The following PXDNL variants were observed in gnomAD, a reference collection of about 807,000 sequenced individuals.
PXDNL encodes the protein peroxidasin like, also known as probable oxidoreductase PXDNL.
PXDNL carries 145 observed loss-of-function variants against 150.8 expected under a neutral mutation model. The ratio of observed to expected loss-of-function variants is 0.96; its 90% CI spans 0.84 to 1.10. PXDNL has a LOEUF of 1.10. Ranked by LOEUF, PXDNL falls within the 50% of genes least tolerant of loss-of-function variation. The pLI is 0.00. For synonymous variants in PXDNL, 757 were observed against 725.7 expected (o/e 1.04, Z -0.69); for missense variants, 2,087 against 1,873.9 (o/e 1.11, Z -2.10).
chr8:51,489,691 T>C (rs571168712), intron 5 of PXDNL, among the ~76,000 whole-genome samples: 15 of 152,318 alleles, frequency 9.8e-5, no homozygotes, highest in African/African-American at 3.6e-4. Context: ...AGAATCATAA[T>C]AGGCTAGAAG....
intron 4 of PXDNL, among the ~76,000 whole-genome samples, chr8:51,549,786 A>C (rs2130515799): frequency 6.6e-6 from 1 of 152,240 alleles, no homozygotes; most frequent in Middle Eastern, 3.4e-3. Context: ...GAGAAACAAA[A>C]ACAAGCCAAA....
chr8:51,797,627 T>C (rs1387957552), intron 1 of PXDNL, among the ~76,000 whole-genome samples: 1 of 152,124 alleles, frequency 6.6e-6, no homozygotes, highest in African/African-American at 2.4e-5. Flanking sequence ...GGTACGTGAA[T>C]GACCTCTTCA....
At chr8:51,345,608 C>T (rs1312083978) in intron 20 of PXDNL, among the ~76,000 whole-genome samples, 1 of 152,116 alleles carries the variant, frequency 6.6e-6, no homozygotes, top group East Asian at 1.9e-4. Flanking sequence ...CTGCACTTTA[C>T]TGAGAAAAAT....
intron 4 of PXDNL, among the ~76,000 whole-genome samples, chr8:51,530,341 TCCTTACCTTCAA>T (rs1190807293): frequency 1.3e-5 from 2 of 152,072 alleles, no homozygotes; most frequent in African/African-American, 4.8e-5. Flanking sequence ...ACATCTGTCT[TCCTTACCTTCAA>T]CCTAAATCCA....
rs1314552902 is a variant in PXDNL at position 51,696,815 on chromosome 8, A to ATC, written c.165-42056_165-42055insGA. Among the ~76,000 whole-genome samples the ATC allele has an allele frequency of 9.2e-4, 130 of 141,000 alleles. 1 individual carries two copies. Among genetic ancestry groups the ATC allele is most frequent in the African/African-American group, 1.4e-3 (50 of 36,384 alleles). 92.5% of individuals were successfully genotyped at this position (141,000 alleles called of 152,430 possible). ...CCCACACATAGGTCTTCACACACAC[A>ATC]CACACACACACACACACACACACAG... On this transcript the variant is annotated intron_variant, in intron 1 of 22. Transcript: ENST00000356297.
intron 1 of PXDNL, among the ~76,000 whole-genome samples, chr8:51,688,509 A>G (rs932522604): frequency 6.6e-6 from 1 of 152,160 alleles, no homozygotes; most frequent in Admixed American, 6.5e-5. Context: ...AACAAACACA[A>G]TTTGGTGACC....
chr8:51,526,190 T>C (rs1209012936), intron 4 of PXDNL, among the ~76,000 whole-genome samples: 2 of 152,200 alleles, frequency 1.3e-5, no homozygotes, highest in East Asian at 3.9e-4. Flanking sequence ...TCTTGGTCTC[T>C]GCAGCTGGGC....
At chr8:51,614,266 T>A (rs146956593) in intron 2 of PXDNL, among the ~76,000 whole-genome samples, 63 of 152,338 alleles carry the variant, frequency 4.1e-4, no homozygotes, top group African/African-American at 1.7e-4. Context: ...TAAAGCTGTC[T>A]CCTTACATAT....
At chr8:51,398,625 CA>C (rs1217424053) in intron 17 of PXDNL, among the ~76,000 whole-genome samples, 1 of 152,232 alleles carries the variant, frequency 6.6e-6, no homozygotes, top group African/African-American at 2.4e-5. Flanking sequence ...GAAGTTCAGC[CA>C]CCCCACATCA....
chr8:51,744,928 A>AAAAGAAAGAAAGAAAG lies in PXDNL; in HGVS notation c.164+64237_164+64252dup, dbSNP rs1193132745. Among the ~76,000 whole-genome samples, 7 of 88,278 alleles carry AAAAGAAAGAAAGAAAG rather than the reference A, an allele frequency of 7.9e-5. 1 individual carries two copies. Among genetic ancestry groups the AAAAGAAAGAAAGAAAG allele is most frequent in the African/African-American group, 3.2e-4 (7 of 21,684 alleles). The allele number at this position is 88,278 out of a possible 152,430, so 57.9% of individuals were successfully genotyped here. On this transcript the variant is annotated intron_variant, in intron 1 of 22. Coordinates refer to ENST00000356297, the MANE Select transcript of PXDNL (RefSeq NM_144651.5). ...AAGGAAGGAAGGAAGGAAAGAAAGA[A>AAAAGAAAGAAAGAAAG]AAAGAAAGAAAGAAAGAAAGAAAGA... is the stretch of plus-strand genomic sequence containing the variant.
intron 19 of PXDNL, among the ~76,000 whole-genome samples, chr8:51,358,669 T>C (rs1167096802): frequency 6.6e-6 from 1 of 152,072 alleles, no homozygotes; most frequent in Non-Finnish European, 1.5e-5. Flanking sequence ...AGGACGCTCA[T>C]TGCAGCACGC....
intron 19 of PXDNL, among the ~76,000 whole-genome samples, chr8:51,364,041 T>C (rs1443300812): frequency 6.6e-6 from 1 of 152,212 alleles, no homozygotes; most frequent in Non-Finnish European, 1.5e-5. Context: ...GTGTAAAACA[T>C]AAGTTGACAC....
chr8:51,388,674 T>C (rs1210376676), intron 17 of PXDNL, among the ~76,000 whole-genome samples: 1 of 152,200 alleles, frequency 6.6e-6, no homozygotes, highest in African/African-American at 2.4e-5. Context: ...CATTCCTGTT[T>C]TCTACCTCTT....
At chr8:51,689,748 C>A (rs567066130) in intron 1 of PXDNL, among the ~76,000 whole-genome samples, 39 of 152,252 alleles carry the variant, frequency 2.6e-4, no homozygotes, top group Non-Finnish European at 4.7e-4. Flanking sequence ...AAGGAAATAA[C>A]ATAGAGAGGA....
chr8:51,691,264 T>C (rs2130862867), intron 1 of PXDNL, among the ~76,000 whole-genome samples: 1 of 152,338 alleles, frequency 6.6e-6, no homozygotes, highest in East Asian at 1.9e-4. Context: ...TCCTGAATGG[T>C]AATGCCTAGG....
intron 1 of PXDNL, among the ~76,000 whole-genome samples, chr8:51,772,950 C>G (rs956716676): frequency 6.6e-6 from 1 of 152,140 alleles, no homozygotes; most frequent in African/African-American, 2.4e-5. Context: ...TGCTATGGTT[C>G]CAGGTAAATT....
At chr8:51,609,701 GT>G (rs1370481204) in intron 2 of PXDNL, among the ~76,000 whole-genome samples, 1 of 152,194 alleles carries the variant, frequency 6.6e-6, no homozygotes, top group East Asian at 1.9e-4. Flanking sequence ...CTCAGGAAGA[GT>G]TAAAGGGAAA....
At chr8:51,750,826 T>C (rs1161171781) in intron 1 of PXDNL, among the ~76,000 whole-genome samples, 1 of 152,102 alleles carries the variant, frequency 6.6e-6, no homozygotes, top group South Asian at 2.1e-4. Context: ...ACATATAGGG[T>C]TCAGTACTAT....
At chr8:51,711,537 T>A (rs1197023094) in intron 1 of PXDNL, among the ~76,000 whole-genome samples, 1 of 152,244 alleles carries the variant, frequency 6.6e-6, no homozygotes, top group Admixed American at 6.5e-5. Flanking sequence ...TCTAATACAG[T>A]TGAGAGTTTG....
Sources: gnomAD v4.1 joint callset for allele counts (sites outside exome capture counted in the v4.1 genomes callset) on GRCh38, gnomAD v4.1.1 for gene constraint, MANE v1.5 for transcripts, NCBI Gene and HGNC (gene_info 2026-07-23, HGNC 2026-07-21) for gene names.